Variants in ACOT7 observed in about 807,000 individuals in gnomAD.
ACOT7 encodes acyl-CoA thioesterase 7, also known as cytosolic acyl coenzyme A thioester hydrolase.
Under a neutral mutation model 40.2 loss-of-function variants are expected in ACOT7, and 12 were observed. The observed-to-expected ratio is 0.30, with a 90% CI of 0.19 to 0.48. The LOEUF is 0.48. Among genes scored for constraint, ACOT7 ranks in the 20% least tolerant of loss-of-function variants. The pLI is 0.99. For missense variants in ACOT7, 395 were observed against 530.8 expected (o/e 0.74, Z 2.51); for synonymous variants, 228 against 219.5 (o/e 1.04, Z -0.34).
intron 6 of ACOT7, among the ~76,000 whole-genome samples, chr1:6,304,523 TAGGCAGAGGACCCTGCGGCCTTCCGC>T (rs1640066111): frequency 7.4e-6 from 1 of 135,938 alleles, no homozygotes; most frequent in Non-Finnish European, 1.6e-5. Flanking sequence ...CTGGTTTTCC[TAGGCAGAGGACCCTGCGGCCTTCCGC>T]AGTGTTTGTG....
intron 4 of ACOT7, among the ~76,000 whole-genome samples, chr1:6,332,694 G>T (rs950613716): frequency 2.0e-5 from 3 of 151,990 alleles, no homozygotes; most frequent in Non-Finnish European, 4.4e-5. Flanking sequence ...GGTGGCGGGC[G>T]CCTGTAGTCC....
In ACOT7 at chr1:6,358,925, G is replaced by A. The variant is rs757264732; in HGVS notation, c.144-9059C>T. On this transcript the variant is annotated intron_variant, in intron 1 of 8. Coordinates refer to ENST00000361521, the MANE Select transcript of ACOT7 (RefSeq NM_007274.4). The surrounding 1 kb of genome is among the most constrained non-coding windows in gnomAD (Gnocchi z 4.1). ...CATCACAGAGTCCTTGCCTGACCCA[G>A]GACTGTCCCAGCTCCCTGCCACACC... 20 of 1,582,014 alleles carry A rather than the reference G, an allele frequency of 1.3e-5. No individual in the cohort carries two copies. Among genetic ancestry groups the A allele is most frequent in the Middle Eastern group, 1.7e-4 (1 of 6,018 alleles).
Position 6,312,759 on chromosome 1 carries a change from C to T in ACOT7, c.712+5733G>A, listed in dbSNP as rs570074297. ...CTGGGACTACAGGCGTGAGCCACCGCACCTGGCCGATGTACTAATTTCATA... is the reference window on the plus strand; with the variant it reads ...CTGGGACTACAGGCGTGAGCCACCGTACCTGGCCGATGTACTAATTTCATA... On this transcript the variant is annotated intron_variant, in intron 6 of 8. Coordinates refer to ENST00000361521, the MANE Select transcript of ACOT7 (RefSeq NM_007274.4). 5.3e-4 allele frequency among the ~76,000 whole-genome samples: 80 copies of T among 152,326 alleles called. No individual in the cohort carries two copies. In the Middle Eastern group the frequency reaches 0.014, roughly 26 times the overall value.
chr1:6,287,610 T>C (rs1639540786), intron 7 of ACOT7, among the ~76,000 whole-genome samples: 1 of 152,206 alleles, frequency 6.6e-6, no homozygotes, highest in Non-Finnish European at 1.5e-5. Flanking sequence ...TGAGCCTGCC[T>C]GGAGTGGCAC....
intron 1 of ACOT7, among the ~76,000 whole-genome samples, chr1:6,384,550 CTCTT>C (rs1409078491): frequency 6.6e-6 from 1 of 151,946 alleles, no homozygotes; most frequent in Non-Finnish European, 1.5e-5. Flanking sequence ...ACATGGGTGT[CTCTT>C]TCAACCCCAC....
chr1:6,328,188 C>T (rs372230400), intron 4 of ACOT7, among the ~76,000 whole-genome samples: 24 of 152,084 alleles, frequency 1.6e-4, no homozygotes, highest in Middle Eastern at 3.2e-3. Context: ...AAGGCCCCAC[C>T]CACTCTCCAA....
chr1:6,297,791 C>T (rs1295438240), intron 6 of ACOT7, among the ~76,000 whole-genome samples: 2 of 152,194 alleles, frequency 1.3e-5, no homozygotes, highest in African/African-American at 4.8e-5. Context: ...CTTCGAAATA[C>T]CGCAGTGGGA....
rs575505546 is a variant in ACOT7, at chr1:6,358,210, C to T, written c.144-8344G>A. On this transcript the variant is annotated intron_variant, in intron 1 of 8. Transcript: ENST00000361521. The surrounding 1 kb of genome is among the most constrained non-coding windows in gnomAD (Gnocchi z 4.1). ...GACTTGCTGCCTAAGGCAGTTCCGGCGAAGTCCCTTCAACCCACAGACACG... is the reference window on the plus strand; with the variant it reads ...GACTTGCTGCCTAAGGCAGTTCCGGTGAAGTCCCTTCAACCCACAGACACG... 1.3e-5 allele frequency among the ~76,000 whole-genome samples: 2 copies of T among 152,168 alleles called. No individual in the cohort carries two copies. Among genetic ancestry groups the T allele is most frequent in the South Asian group, 2.1e-4 (1 of 4,824 alleles).
At chr1:6,369,913 C>A (rs1428141029) in intron 1 of ACOT7, among the ~76,000 whole-genome samples, 1 of 152,112 alleles carries the variant, frequency 6.6e-6, no homozygotes, top group Non-Finnish European at 1.5e-5. Context: ...ACTCCTTGAT[C>A]CATAGGTTGC....
At chr1:6,283,511 C>A (rs1281417571) in intron 7 of ACOT7, among the ~76,000 whole-genome samples, 1 of 152,224 alleles carries the variant, frequency 6.6e-6, no homozygotes, top group Non-Finnish European at 1.5e-5. Flanking sequence ...CCACCTTGGC[C>A]ACTGCTGCCA....
chr1:6,345,077 C>T (rs1641383329), intron 2 of ACOT7, among the ~76,000 whole-genome samples: 1 of 152,178 alleles, frequency 6.6e-6, no homozygotes, highest in Admixed American at 6.5e-5. Context: ...AATACATGGA[C>T]TGACAAGTAT....
At chr1:6,343,623 A>T (rs556449503) in intron 2 of ACOT7, among the ~76,000 whole-genome samples, 1 of 152,374 alleles carries the variant, frequency 6.6e-6, no homozygotes, top group African/African-American at 2.4e-5. Flanking sequence ...CCATTGGCCA[A>T]AGGCTGTTAG....
chr1:6,321,646 C>T (rs1441141812), intron 5 of ACOT7, among the ~76,000 whole-genome samples: 1 of 152,322 alleles, frequency 6.6e-6, no homozygotes, highest in East Asian at 1.9e-4. Flanking sequence ...TCCTGAGTAG[C>T]TGTGACTACA....
chr1:6,265,477 C>G (rs1284038416), intron 8 of ACOT7, among the ~76,000 whole-genome samples: 2 of 152,220 alleles, frequency 1.3e-5, no homozygotes, highest in African/African-American at 4.8e-5. Context: ...ACCTTGGACC[C>G]CAGGGACCCC....
Position 6,292,889 on chromosome 1 carries a change from C to CTT in ACOT7, c.829+1973_829+1974dup, listed in dbSNP as rs973103642. Among the ~76,000 whole-genome samples, 263 of 125,072 alleles carry CTT rather than the reference C, an allele frequency of 2.1e-3. 4 individuals carry two copies. Among genetic ancestry groups the CTT allele is most frequent in the South Asian group, 0.012 (47 of 3,840 alleles). 82.1% of individuals were successfully genotyped at this position (125,072 alleles called of 152,430 possible). A position where few individuals can be genotyped will look rare whatever the true frequency, so the allele number is the denominator to read the frequency against. ...TTCGCTGGAAAGTCTATTTCTTTTT[C>CTT]TTTTTTTTTTTTTTTTTTGAGACGG... is the stretch of plus-strand genomic sequence containing the variant. On this transcript the variant is annotated intron_variant, in intron 7 of 8. Coordinates refer to ENST00000361521, the MANE Select transcript of ACOT7 (RefSeq NM_007274.4).
At chr1:6,291,181 G>A (rs1172125645) in intron 7 of ACOT7, among the ~76,000 whole-genome samples, 3 of 152,180 alleles carry the variant, frequency 2.0e-5, no homozygotes, top group African/African-American at 4.8e-5. Flanking sequence ...TCAGAGTGGG[G>A]CCTTATTGGA....
intron 1 of ACOT7, among the ~76,000 whole-genome samples, chr1:6,392,294 T>G (rs1192013029): frequency 6.6e-6 from 1 of 152,180 alleles, no homozygotes; most frequent in Non-Finnish European, 1.5e-5. Context: ...TCACTCCTGG[T>G]AGTTCATCAA....
rs189667188 is a variant in ACOT7, at chr1:6,356,689, C to T, written c.144-6823G>A. On this transcript the variant is annotated intron_variant, in intron 1 of 8. Coordinates refer to ENST00000361521, the MANE Select transcript of ACOT7 (RefSeq NM_007274.4). ...ATCCCAGCACTTTGGGAGGCCGAGG[C>T]GGGCGGATCATGAGGTCAGGAGTTT... 6.4e-3 allele frequency among the ~76,000 whole-genome samples: 976 copies of T among 151,704 alleles called. 12 individuals are homozygous for T. The highest frequency in any genetic ancestry group is 0.022 in the African/African-American group (919 of 41,346).
chr1:6,337,977 G>A (rs936839797), intron 3 of ACOT7, among the ~76,000 whole-genome samples: 2 of 143,322 alleles, frequency 1.4e-5, no homozygotes, highest in Non-Finnish European at 3.0e-5. Context: ...CTCCAGACTG[G>A]GCAACAGAGT....
Sources: gnomAD v4.1 joint callset for allele counts (sites outside exome capture counted in the v4.1 genomes callset) on GRCh38, gnomAD v4.1.1 for gene constraint, Gnocchi (gnomAD v3.1) non-coding constraint, MANE v1.5 for transcripts, NCBI Gene and HGNC (gene_info 2026-07-23, HGNC 2026-07-21) for gene names.